GRB10: variants seen among roughly 807,000 people sequenced by gnomAD.
GRB10 encodes growth factor receptor bound protein 10.
Under a neutral mutation model 80.9 loss-of-function variants are expected in GRB10, and 20 were observed. That is an observed-to-expected ratio of 0.25 (90% CI 0.17 to 0.36). The LOEUF is 0.36. Among genes scored for constraint, GRB10 ranks in the 10% least tolerant of loss-of-function variants. GRB10 has a pLI of 1.00. For synonymous variants in GRB10, 291 were observed against 291.5 expected, an observed-to-expected ratio of 1.00 and a Z score of 0.02; for missense variants, 548 against 747.7, an observed-to-expected ratio of 0.73 and a Z score of 3.12.
chr7:50,713,540 C>T (rs1368567355), intron 4 of GRB10, among the ~76,000 whole-genome samples: 1 of 137,420 alleles, frequency 7.3e-6, no homozygotes, highest in Non-Finnish European at 1.6e-5. Context: ...ACCTCCTCTG[C>T]TACCTCTATC....
rs547763465 is a variant in GRB10, at chr7:50,695,130, T to A, written c.139+8691A>T. On this transcript the variant is annotated intron_variant, in intron 5 of 18. Coordinates refer to ENST00000401949, the MANE Select transcript of GRB10 (RefSeq NM_001350814.2). Reference sequence around the variant, plus strand: ...TGACTTCTCCCCACTGCCTACACACTGCCTCGTCCTCAAAGATCTACAAAT... The same window carrying A: ...TGACTTCTCCCCACTGCCTACACACAGCCTCGTCCTCAAAGATCTACAAAT... Among the ~76,000 whole-genome samples, 15 of 152,296 alleles carry A rather than the reference T, an allele frequency of 9.8e-5. No individual in the cohort carries two copies. In the East Asian group the frequency reaches 2.9e-3, roughly 29 times the overall value.
At chr7:50,655,314 C>A (rs1336718347) in intron 7 of GRB10, among the ~76,000 whole-genome samples, 1 of 152,110 alleles carries the variant, frequency 6.6e-6, no homozygotes, top group Non-Finnish European at 1.5e-5. Flanking sequence ...TATTATTTTC[C>A]CCTGGCCCTT....
chr7:50,598,316 G>A (rs1056703289), intron 17 of GRB10, among the ~76,000 whole-genome samples: 14 of 152,224 alleles, frequency 9.2e-5, no homozygotes, highest in Non-Finnish European at 2.1e-4. Context: ...GGGGATTGCA[G>A]TTATAGGAAA....
chr7:50,723,706 A>AT (rs763849367), intron 4 of GRB10, among the ~76,000 whole-genome samples: 18 of 152,370 alleles, frequency 1.2e-4, no homozygotes, highest in Admixed American at 5.9e-4. Flanking sequence ...CAGTGCAGGT[A>AT]TAACTGTCAG....
At chr7:50,612,242 C>T (rs1435982819) in intron 13 of GRB10, among the ~76,000 whole-genome samples, 1 of 152,174 alleles carries the variant, frequency 6.6e-6, no homozygotes, top group East Asian at 1.9e-4. Flanking sequence ...AAATAATTAA[C>T]ACCTCATGTA....
At chr7:50,658,708 G>A (rs2058907818) in intron 7 of GRB10, among the ~76,000 whole-genome samples, 3 of 152,190 alleles carry the variant, frequency 2.0e-5, no homozygotes, top group Admixed American at 6.5e-5. Context: ...CAAATTCAGA[G>A]GTTTATATTT....
chr7:50,649,665 G>C (rs1207716807), intron 7 of GRB10, among the ~76,000 whole-genome samples: 1 of 152,204 alleles, frequency 6.6e-6, no homozygotes, highest in Admixed American at 6.5e-5. Flanking sequence ...AGGTGAGCAG[G>C]AGACAGGCTG....
At chr7:50,668,743 C>A (rs1204960886) in intron 7 of GRB10, among the ~76,000 whole-genome samples, 1 of 152,222 alleles carries the variant, frequency 6.6e-6, no homozygotes, top group Non-Finnish European at 1.5e-5. Flanking sequence ...GGCTGCAGCC[C>A]ATCCTGGCTC....
intron 6 of GRB10, among the ~76,000 whole-genome samples, chr7:50,670,700 C>T (rs1205772198): frequency 6.6e-6 from 1 of 152,102 alleles, no homozygotes; most frequent in Non-Finnish European, 1.5e-5. Context: ...AAGTGTTTTT[C>T]AATGTCCTTG....
At chr7:50,770,336 C>G (rs1402615946) in intron 2 of GRB10, among the ~76,000 whole-genome samples, 1 of 152,190 alleles carries the variant, frequency 6.6e-6, no homozygotes, top group Non-Finnish European at 1.5e-5. Flanking sequence ...TCTCTGAGGC[C>G]TAAGCTGCTG....
intron 7 of GRB10, among the ~76,000 whole-genome samples, chr7:50,657,679 A>G (rs1334000040): frequency 6.6e-6 from 1 of 152,242 alleles, no homozygotes; most frequent in Non-Finnish European, 1.5e-5. Context: ...GTTAGTCATT[A>G]GCATTTGGTT....
At chr7:50,643,129 T>C (rs1031620669) in intron 7 of GRB10, among the ~76,000 whole-genome samples, 8 of 152,202 alleles carry the variant, frequency 5.3e-5, no homozygotes, top group Admixed American at 3.9e-4. Flanking sequence ...TTGGTGGTAT[T>C]TGAAACCTGT....
intron 7 of GRB10, among the ~76,000 whole-genome samples, chr7:50,645,147 C>A (rs988126293): frequency 1.3e-5 from 2 of 152,182 alleles, no homozygotes; most frequent in Non-Finnish European, 2.9e-5. Flanking sequence ...CCCGATTTAT[C>A]TCCAAAATAT....
chr7:50,710,533 G>C (rs1228862449), intron 4 of GRB10, among the ~76,000 whole-genome samples: 1 of 152,160 alleles, frequency 6.6e-6, no homozygotes, highest in Non-Finnish European at 1.5e-5. Context: ...TTGTTCATTG[G>C]GCGATTCAGG....
intron 4 of GRB10, among the ~76,000 whole-genome samples, chr7:50,711,627 C>A (rs73349043): frequency 0.012 from 1,786 of 152,252 alleles, 37 homozygotes; most frequent in African/African-American, 0.038. Flanking sequence ...GAGGCATCAC[C>A]CAGCTCATCA....
chr7:50,734,471 C>T (rs575461008), intron 3 of GRB10, among the ~76,000 whole-genome samples: 16 of 152,054 alleles, frequency 1.1e-4, no homozygotes, highest in African/African-American at 3.9e-4. Context: ...CCCCCACGCA[C>T]GCCGCACGCC....
chr7:50,755,830 C>G (rs2153703252), intron 3 of GRB10, 57 bp downstream of exon 3: 2 of 398,710 alleles, frequency 5.0e-6, no homozygotes, highest in Middle Eastern at 1.3e-3. Context: ...CAATACTGAA[C>G]AGGCGACTCT....
chr7:50,743,622 T>C (rs184890639), intron 3 of GRB10, among the ~76,000 whole-genome samples: 2 of 152,290 alleles, frequency 1.3e-5, no homozygotes. Flanking sequence ...GCATAGTTAA[T>C]TTGAGATATG....
rs188430406 is a variant in GRB10 at position 50,733,291 on chromosome 7, A to C, written c.-46-923T>G. Among the ~76,000 whole-genome samples, 17 of 152,338 alleles carry C rather than the reference A, an allele frequency of 1.1e-4. No homozygotes were observed. The East Asian group carries it at 3.1e-3, about 28-fold the overall frequency. On this transcript the variant is annotated intron_variant, in intron 3 of 18. Coordinates refer to ENST00000401949, the MANE Select transcript of GRB10 (RefSeq NM_001350814.2). ...CGATACCTTTGATCATGGACTTCCA[A>C]TATCCAGACTGCGGGAAATGGATTT...
Sources: allele counts gnomAD v4.1 joint callset (sites outside exome capture counted in the v4.1 genomes callset), GRCh38; gene constraint gnomAD v4.1.1; transcripts MANE v1.5; gene names NCBI Gene and HGNC (gene_info 2026-07-23, HGNC 2026-07-21).